The following USP39 variants were observed in gnomAD, a reference collection of about 807,000 sequenced individuals.
The protein encoded by USP39 is ubiquitin carboxyl-terminal hydrolase 39.
In USP39, 38 loss-of-function variants were observed where a neutral mutation model predicts 66.4. The observed-to-expected ratio is 0.57, with a 90% CI of 0.44 to 0.75. The LOEUF (loss-of-function observed/expected upper bound fraction) is 0.75, where lower values mean the gene tolerates loss of function less well. USP39 is among the 30% of genes least tolerant of loss of function. The pLI, the probability that USP39 is intolerant of heterozygous loss-of-function variation, is 0.00. For missense variants in USP39, 608 were observed against 714.4 expected (o/e 0.85, Z 1.70); for synonymous variants, 303 against 274.6 (o/e 1.10, Z -1.02).
upstream of USP39, chr2:85,611,479 G>A: frequency 1.9e-6 from 3 of 1,549,504 alleles, no homozygotes; most frequent in Non-Finnish European, 2.6e-6. Context: ...TTAACTGGGG[G>A]CTTATGAGTC....
chr2:85,620,598 C>T (rs145223162), intron 2 of USP39, among the ~76,000 whole-genome samples: 26 of 152,258 alleles, frequency 1.7e-4, no homozygotes, highest in Non-Finnish European at 2.6e-4. Flanking sequence ...AATTGAATTA[C>T]AGTCAGCCTC....
At chr2:85,607,665 G>A (rs1169358590), upstream of USP39, 2 of 152,194 alleles carry the variant, frequency 1.3e-5, no homozygotes, top group Non-Finnish European at 2.9e-5. Flanking sequence ...GCCATCAGGT[G>A]TCTTAACACC....
In USP39 at chr2:85,630,883, C is replaced by G; in HGVS notation, c.886C>G (p.Pro296Ala). The G allele has an allele frequency of 6.2e-7, 1 of 1,614,198 alleles. No homozygotes were observed. Among genetic ancestry groups the G allele is most frequent in the South Asian group, 1.1e-5 (1 of 91,084 alleles). ...TCGAAATTTCAAGGCACATGTGTCT[C>G]CCCATGAGATGCTTCAGGCAGTTGT... ...NPRNFKAHVS[P>A]HEMLQAVVLC... Residue 296 changes from proline to alanine, a missense_variant, in exon 6 of 13, where the codon CCC becomes GCC. By Grantham distance (27) the Pro-to-Ala change is conservative. Around this residue, in one of 6 missense-constraint regions of USP39, gnomAD observed 17 missense variants for 38.0 expected, o/e 0.45. Coordinates refer to ENST00000323701, the MANE Select transcript of USP39 (RefSeq NM_006590.4).
intron 5 of USP39, 71 bp downstream of exon 5, chr2:85,625,762 T>TA: frequency 6.4e-7 from 1 of 1,561,216 alleles, no homozygotes; most frequent in Non-Finnish European, 8.7e-7. Flanking sequence ...CTCACCCCTG[T>TA]AATCCCAGCA....
chr2:85,603,592 TTTC>T (rs1270079556), intron 1 of USP39, among the ~76,000 whole-genome samples: 1 of 151,614 alleles, frequency 6.6e-6, no homozygotes, highest in East Asian at 1.9e-4. Flanking sequence ...ACTTTTTCTT[TTTC>T]TTTTTTTTTT....
At chr2:85,640,638 TTC>T (rs1676163064) in intron 9 of USP39, among the ~76,000 whole-genome samples, 1 of 150,122 alleles carries the variant, frequency 6.7e-6, no homozygotes, top group African/African-American at 2.4e-5. Context: ...TTCTTTTTTT[TTC>T]TTTTTCCTTT....
chr2:85,610,007 T>C (rs1673405337), upstream of USP39, among the ~76,000 whole-genome samples: 1 of 141,742 alleles, frequency 7.1e-6, no homozygotes, highest in African/African-American at 2.7e-5. Flanking sequence ...GGGTCCAGTG[T>C]AAGTGGTTTT....
intron 2 of USP39, 58 bp from the exon 3 acceptor site, chr2:85,621,427 A>T (rs1674453196): frequency 1.3e-6 from 2 of 1,489,218 alleles, no homozygotes; most frequent in Admixed American, 1.7e-5. Flanking sequence ...GCACTGCTTC[A>T]TTTGCGTGCC....
intron 2 of USP39, among the ~76,000 whole-genome samples, chr2:85,621,023 T>A (rs1053105381): frequency 6.6e-6 from 1 of 152,142 alleles, no homozygotes; most frequent in Non-Finnish European, 1.5e-5. Flanking sequence ...TAAGAGAGGA[T>A]CCCACTCTGT....
chr2:85,617,686 G>A (rs148117777), intron 1 of USP39, among the ~76,000 whole-genome samples: 22 of 152,270 alleles, frequency 1.4e-4, no homozygotes, highest in African/African-American at 5.3e-4. Context: ...CTAAGCACGG[G>A]GTTCGTCTCC....
chr2:85,645,277 C>CTT (rs61391085), intron 11 of USP39, 194 bp downstream of exon 11: 271 of 367,438 alleles, frequency 7.4e-4, no homozygotes, highest in South Asian at 1.1e-3. Flanking sequence ...ACCTTGGGAG[C>CTT]TTTTTTTTTT....
upstream of USP39, chr2:85,611,560 G>T: frequency 6.4e-7 from 1 of 1,551,098 alleles, no homozygotes; most frequent in South Asian, 1.2e-5. Context: ...GGAAAGAGAC[G>T]AGATGAGCTG....
intron 9 of USP39, 60 bp downstream of exon 9, chr2:85,639,451 T>TTTA: frequency 2.7e-6 from 4 of 1,486,362 alleles, no homozygotes; most frequent in South Asian, 1.3e-5. Flanking sequence ...ACTTTTTCAT[T>TTTA]TTCTTTTTTT....
At chr2:85,611,592 T>G, upstream of USP39, 2 of 1,552,404 alleles carry the variant, frequency 1.3e-6, no homozygotes, top group Non-Finnish European at 1.7e-6. Context: ...TAAGAAGTGG[T>G]TTTTCCCTAT....
upstream of USP39, among the ~76,000 whole-genome samples, chr2:85,613,781 T>A (rs372305211): frequency 5.1e-4 from 77 of 152,176 alleles, 2 homozygotes; most frequent in South Asian, 0.011. Flanking sequence ...AATTTTTTTT[T>A]ATTTTTTTAT....
intron 4 of USP39, among the ~76,000 whole-genome samples, chr2:85,624,191 C>G (rs958934791): frequency 6.6e-6 from 1 of 151,970 alleles, no homozygotes; most frequent in Non-Finnish European, 1.5e-5. Flanking sequence ...CCACAGATAT[C>G]TTATCTGTGG....
upstream of USP39, chr2:85,610,628 A>G (rs1044541481): frequency 6.6e-5 from 10 of 152,102 alleles, no homozygotes; most frequent in Admixed American, 2.0e-4. Context: ...AAGCACTTTC[A>G]CTAATGCCTA....
intron 9 of USP39, chr2:85,639,862 T>G (rs1676095591): frequency 6.5e-6 from 1 of 152,912 alleles, no homozygotes; most frequent in Admixed American, 6.5e-5. Flanking sequence ...CACCCCCAAC[T>G]CTTAACTTAT....
At chr2:85,608,406 G>A (rs1373057117), upstream of USP39, 4 of 152,108 alleles carry the variant, frequency 2.6e-5, no homozygotes, top group African/African-American at 9.7e-5. Context: ...CTGAGCAGCT[G>A]GAGGTACACA....
Sources: gnomAD v4.1 joint callset for allele counts (sites outside exome capture counted in the v4.1 genomes callset) on GRCh38, gnomAD v4.1.1 for gene constraint, gnomAD v4.1.1 regional missense constraint, MANE v1.5 for transcripts, NCBI Gene and HGNC (gene_info 2026-07-23, HGNC 2026-07-21) for gene names.